NRXN3: variants seen among roughly 807,000 people sequenced by gnomAD.
NRXN3 encodes the protein neurexin III.
A neutral mutation model predicts 137.6 loss-of-function variants in NRXN3; 32 were observed. That is an observed-to-expected ratio of 0.23 (90% CI 0.18 to 0.31). The LOEUF is 0.31. NRXN3 is among the 10% of genes least tolerant of loss of function. NRXN3 has a pLI of 1.00. For synonymous variants in NRXN3, 798 were observed against 784.5 expected (o/e 1.02, Z -0.29); for missense variants, 1,574 against 2,062.5 (o/e 0.76, Z 4.59).
intron 8 of NRXN3, among the ~76,000 whole-genome samples, chr14:78,770,607 T>C (rs1207890549): frequency 1.3e-5 from 2 of 152,224 alleles, no homozygotes; most frequent in Non-Finnish European, 2.9e-5. Context: ...AGCTTTAAAT[T>C]CTTATTTTTG....
At chr14:79,783,312 T>C (rs943720697) in intron 19 of NRXN3, among the ~76,000 whole-genome samples, 1 of 152,196 alleles carries the variant, frequency 6.6e-6, no homozygotes, top group African/African-American at 2.4e-5. Context: ...TAGGAGGAAA[T>C]GTGTGACCCA....
chr14:79,536,240 G>A (rs1170100865), intron 16 of NRXN3, among the ~76,000 whole-genome samples: 1 of 152,104 alleles, frequency 6.6e-6, no homozygotes, highest in African/African-American at 2.4e-5. Flanking sequence ...TGAAGAAAGA[G>A]GAGTACACAG....
chr14:79,037,842 C>T (rs1279344369), intron 15 of NRXN3, among the ~76,000 whole-genome samples: 1 of 152,042 alleles, frequency 6.6e-6, no homozygotes. Flanking sequence ...CTTATGATGG[C>T]CCTGCCAAAA....
intron 3 of NRXN3, among the ~76,000 whole-genome samples, chr14:78,291,724 T>G (rs2075822278): frequency 6.6e-6 from 1 of 152,198 alleles, no homozygotes; most frequent in African/African-American, 2.4e-5. Context: ...AAAAAGTCCT[T>G]GTGGCTTCAT....
chr14:78,959,602 T>G (rs2099404117), intron 11 of NRXN3, among the ~76,000 whole-genome samples: 1 of 152,014 alleles, frequency 6.6e-6, no homozygotes, highest in Non-Finnish European at 1.5e-5. Context: ...CCCAAAACAC[T>G]TCGATTACAC....
At chr14:78,761,343 G>A (rs2098691906) in intron 8 of NRXN3, among the ~76,000 whole-genome samples, 1 of 152,084 alleles carries the variant, frequency 6.6e-6, no homozygotes, top group Non-Finnish European at 1.5e-5. Context: ...ATGATTCCTT[G>A]GCTACCAGTG....
intron 15 of NRXN3, among the ~76,000 whole-genome samples, chr14:79,117,930 A>G (rs1479087506): frequency 6.6e-6 from 1 of 152,210 alleles, no homozygotes; most frequent in African/African-American, 2.4e-5. Flanking sequence ...AGGGGTCAAG[A>G]GATTAGGCTT....
intron 4 of NRXN3, among the ~76,000 whole-genome samples, chr14:78,557,485 G>T (rs1456661119): frequency 6.6e-6 from 1 of 152,176 alleles, no homozygotes; most frequent in African/African-American, 2.4e-5. Context: ...TCACTCAACT[G>T]CTCTGAACTT....
At chr14:78,860,764 TTCA>T (rs2099070208) in intron 10 of NRXN3, among the ~76,000 whole-genome samples, 1 of 152,132 alleles carries the variant, frequency 6.6e-6, no homozygotes, top group Non-Finnish European at 1.5e-5. Context: ...CATAAAGGTC[TTCA>T]TCATCATTGT....
intron 15 of NRXN3, among the ~76,000 whole-genome samples, chr14:79,025,422 T>C (rs867242854): frequency 6.6e-6 from 1 of 152,154 alleles, no homozygotes; most frequent in Non-Finnish European, 1.5e-5. Flanking sequence ...TCCAAACTTA[T>C]TTCAGCAGCA....
intron 15 of NRXN3, among the ~76,000 whole-genome samples, chr14:79,248,171 A>G (rs1455860677): frequency 2.0e-5 from 3 of 151,872 alleles, no homozygotes; most frequent in Admixed American, 6.6e-5. Flanking sequence ...TCCACTTAAA[A>G]CCCTCCAGAC....
At chr14:79,273,039 G>A (rs1455609726) in intron 15 of NRXN3, among the ~76,000 whole-genome samples, 1 of 151,874 alleles carries the variant, frequency 6.6e-6, no homozygotes, top group Non-Finnish European at 1.5e-5. Flanking sequence ...GGGCATGGTG[G>A]CTTGCGCCTG....
chr14:78,442,203 G>A (rs1356733913), intron 4 of NRXN3, among the ~76,000 whole-genome samples: 3 of 151,156 alleles, frequency 2.0e-5, no homozygotes, highest in Non-Finnish European at 4.4e-5. Flanking sequence ...GGAGGCAGAC[G>A]TCACGGTAAG....
rs192139823 is a variant in NRXN3 at position 78,610,401 on chromosome 14, G to A, written c.758-34719G>A. On this transcript the variant is annotated intron_variant, in intron 4 of 20. Transcript: ENST00000335750. ...ACCAGGCTCCTGCTCTTCCAAGGGC[G>A]TAAGCATTGCTGCCCCTTTTGGGCA... 2.3e-4 allele frequency among the ~76,000 whole-genome samples: 35 copies of A among 152,330 alleles called. No homozygotes were observed. The East Asian group carries it at 2.9e-3, about 13-fold the overall frequency.
At chr14:79,778,159 G>A (rs2099103132) in intron 19 of NRXN3, among the ~76,000 whole-genome samples, 1 of 152,204 alleles carries the variant, frequency 6.6e-6, no homozygotes, top group Admixed American at 6.5e-5. Context: ...GCTCACGCCT[G>A]TAATCCCAAC....
chr14:79,396,982 T>C (rs1208547670), intron 15 of NRXN3, among the ~76,000 whole-genome samples: 2 of 152,100 alleles, frequency 1.3e-5, no homozygotes, highest in African/African-American at 4.8e-5. Context: ...GACCTCCTAG[T>C]ATAATGCTAA....
chr14:78,817,332 G>A (rs2098936895), intron 10 of NRXN3, among the ~76,000 whole-genome samples: 1 of 152,150 alleles, frequency 6.6e-6, no homozygotes, highest in Non-Finnish European at 1.5e-5. Context: ...AACGTGATGT[G>A]AACTTGAGGC....
chr14:78,734,154 G>C (rs2098529930), intron 8 of NRXN3, among the ~76,000 whole-genome samples: 1 of 151,632 alleles, frequency 6.6e-6, no homozygotes, highest in Non-Finnish European at 1.5e-5. Flanking sequence ...CAGGGATTTA[G>C]TGTGAAAAAC....
At chr14:78,556,268 C>T (rs907933709) in intron 4 of NRXN3, among the ~76,000 whole-genome samples, 1 of 152,192 alleles carries the variant, frequency 6.6e-6, no homozygotes, top group Non-Finnish European at 1.5e-5. Context: ...TGCCAAGAGG[C>T]TGGTTAAATT....
Sources: gnomAD v4.1 joint callset for allele counts (sites outside exome capture counted in the v4.1 genomes callset) on GRCh38, gnomAD v4.1.1 for gene constraint, MANE v1.5 for transcripts, NCBI Gene and HGNC (gene_info 2026-07-23, HGNC 2026-07-21) for gene names.